The following STK38L variants were observed in gnomAD, a reference collection of about 807,000 sequenced individuals.
The protein encoded by STK38L is serine/threonine kinase 38 like, also known as serine/threonine-protein kinase 38-like.
A neutral mutation model predicts 59.7 loss-of-function variants in STK38L; 28 were observed. The observed-to-expected ratio is 0.47, with a 90% CI of 0.35 to 0.64. The LOEUF (loss-of-function observed/expected upper bound fraction) is 0.64. STK38L is among the 30% of genes least tolerant of loss of function. STK38L has a pLI of 0.01. For missense variants in STK38L, 314 were observed against 555.8 expected (o/e 0.56, Z 4.37); for synonymous variants, 162 against 176.8 (o/e 0.92, Z 0.66).
At chr12:27,266,626 G>A (rs181525426) in intron 1 of STK38L, among the ~76,000 whole-genome samples, 6 of 152,294 alleles carry the variant, frequency 3.9e-5, no homozygotes, top group African/African-American at 1.4e-4. Context: ...TAGTTATGGG[G>A]TTTGATCCCA....
chr12:27,307,284 T>C (rs1944340904), intron 3 of STK38L, among the ~76,000 whole-genome samples: 1 of 152,264 alleles, frequency 6.6e-6, no homozygotes, highest in South Asian at 2.1e-4. Context: ...AGACATTTCT[T>C]GATTTCATCT....
chr12:27,298,511 A>G (rs1382761300), intron 2 of STK38L: 1 of 152,232 alleles, frequency 6.6e-6, no homozygotes, highest in African/African-American at 2.4e-5. Context: ...CAGGGGGAAT[A>G]GAAGAATAAA....
chr12:27,310,874 C>T (rs1944438538), intron 5 of STK38L, among the ~76,000 whole-genome samples: 1 of 152,048 alleles, frequency 6.6e-6, no homozygotes, highest in African/African-American at 2.4e-5. Flanking sequence ...TGTTTTTTAC[C>T]CCTGTATAAA....
intron 1 of STK38L, among the ~76,000 whole-genome samples, chr12:27,268,262 C>T (rs1269660706): frequency 6.6e-6 from 1 of 151,948 alleles, no homozygotes; most frequent in African/African-American, 2.4e-5. Flanking sequence ...CGCTATCCCT[C>T]CCCCTTTCCC....
chr12:27,257,883 G>GA (rs1943122522), intron 1 of STK38L, among the ~76,000 whole-genome samples: 1 of 141,216 alleles, frequency 7.1e-6, no homozygotes, highest in Non-Finnish European at 1.5e-5. Context: ...TTTTTTTTAA[G>GA]TGGAGTCTTG....
chr12:27,301,055 G>T (rs1022651548), intron 2 of STK38L, among the ~76,000 whole-genome samples: 2 of 152,102 alleles, frequency 1.3e-5, no homozygotes, highest in African/African-American at 4.8e-5. Context: ...CAATACAATA[G>T]AAATAAAATA....
At chr12:27,244,730 G>A (rs909341820) in intron 1 of STK38L, among the ~76,000 whole-genome samples, 2 of 152,184 alleles carry the variant, frequency 1.3e-5, no homozygotes, top group Non-Finnish European at 2.9e-5. Context: ...CCCAGAGCCA[G>A]GATCCGAAGC....
Position 27,263,560 on chromosome 12 carries a change from C to G in STK38L, c.-12+19228C>G, listed in dbSNP as rs577807019. Among the ~76,000 whole-genome samples, 7 of 152,224 alleles carry G rather than the reference C, an allele frequency of 4.6e-5. No individual in the cohort carries two copies. In the East Asian group the frequency reaches 1.3e-3, roughly 29 times the overall value. Reference sequence around the variant, plus strand: ...GGCACCTCATCACTCTGGTGTTATCCCTAAAGGGCCTTCATCATAATGTGC... The same window carrying G: ...GGCACCTCATCACTCTGGTGTTATCGCTAAAGGGCCTTCATCATAATGTGC... On this transcript the variant is annotated intron_variant, in intron 1 of 13. Coordinates refer to ENST00000389032, the MANE Select transcript of STK38L (RefSeq NM_015000.4).
intron 1 of STK38L, among the ~76,000 whole-genome samples, chr12:27,260,597 T>A (rs1284860975): frequency 1.3e-5 from 2 of 152,208 alleles, no homozygotes; most frequent in East Asian, 3.8e-4. Context: ...ACTGCATACC[T>A]CTGCTTCAGG....
chr12:27,263,048 C>A (rs747769464), intron 1 of STK38L, among the ~76,000 whole-genome samples: 5 of 152,144 alleles, frequency 3.3e-5, no homozygotes, highest in Non-Finnish European at 5.9e-5. Flanking sequence ...ACCTGGGCCT[C>A]CCAAAGTGCT....
chr12:27,319,403 T>C lies in STK38L; in HGVS notation c.1155T>C (p.Gly385=). 1 of 1,613,492 alleles carries C rather than the reference T, an allele frequency of 6.2e-7. No homozygotes were observed. Among genetic ancestry groups the C allele is most frequent in the Non-Finnish European group, 8.5e-7 (1 of 1,179,634 alleles). The change falls in exon 12 of 14, where the codon GGT becomes GGC. Residue 385 remains glycine (G), a synonymous_variant. Transcript: ENST00000389032. ...EEIKGHPFFE[G]VDWEHIRERP... is the part of the protein sequence containing the mutation. ...TAAAAGGTCATCCCTTTTTTGAAGGTGTCGACTGGGAGCACATAAGGTATG... is the reference window on the plus strand; with the variant it reads ...TAAAAGGTCATCCCTTTTTTGAAGGCGTCGACTGGGAGCACATAAGGTATG...
chr12:27,298,077 C>G, intron 2 of STK38L: 2 of 432,134 alleles, frequency 4.6e-6, no homozygotes, highest in Admixed American at 7.7e-5. Flanking sequence ...TATGACATGC[C>G]AATTAACGTT....
At chr12:27,262,765 TAAAAC>T (rs1282797075) in intron 1 of STK38L, among the ~76,000 whole-genome samples, 1 of 148,374 alleles carries the variant, frequency 6.7e-6, no homozygotes, top group African/African-American at 2.5e-5. Flanking sequence ...ACACTAAGAA[TAAAAC>T]AAAATATTTG....
chr12:27,250,966 C>T (rs766002895), intron 1 of STK38L, among the ~76,000 whole-genome samples: 21 of 146,366 alleles, frequency 1.4e-4, no homozygotes, highest in Non-Finnish European at 3.1e-4. Flanking sequence ...TTCACTGTAG[C>T]CCAGCCTGGG....
intron 11 of STK38L, 59 bp from the exon 12 acceptor site, chr12:27,319,269 C>T (rs111467900): frequency 9.8e-7 from 1 of 1,023,324 alleles, no homozygotes; most frequent in African/African-American, 1.6e-5. Context: ...TGAAGTAATG[C>T]AGCTAGAATA....
In STK38L at chr12:27,312,565, C is replaced by T; in HGVS notation, c.410C>T (p.Ala137Val). 6.2e-7 allele frequency: 1 copy of T among 1,613,698 alleles called. No individual in the cohort carries two copies. Among genetic ancestry groups the T allele is most frequent in the Non-Finnish European group, 8.5e-7 (1 of 1,179,930 alleles). ...LEKEQVAHIR[A>V]ERDILVEADG... ...TTCATCTAGGTGGCCCATATCCGAG[C>T]AGAAAGAGATATTTTGGTAGAAGCA... Residue 137 changes from alanine to valine, a missense_variant, in exon 6 of 14, where the codon GCA (alanine) becomes GTA (valine). Physicochemically the swap from Ala to Val is moderately conservative, Grantham distance 64. This residue lies in a region of STK38L where 192 missense variants were observed against 316.9 expected (regional missense o/e 0.61). Transcript: ENST00000389032.
chr12:27,280,181 C>T (rs1283112424), intron 1 of STK38L, among the ~76,000 whole-genome samples: 1 of 152,136 alleles, frequency 6.6e-6, no homozygotes, highest in Admixed American at 6.6e-5. Flanking sequence ...TAGTCATGAA[C>T]ATTTCAGAAA....
chr12:27,281,738 C>T lies in STK38L; in HGVS notation c.-11-15972C>T, dbSNP rs551780298. Among the ~76,000 whole-genome samples the T allele has an allele frequency of 7.9e-5, 12 of 152,096 alleles. 1 individual carries two copies. In the South Asian group the frequency reaches 2.3e-3, roughly 29 times the overall value. ...TGATCTAAGCTGGGAAATTTTCTGT[C>T]AAAGAGTAAATTGAGGCGAGGCACG... On this transcript the variant is annotated intron_variant, in intron 1 of 13. Coordinates refer to ENST00000389032, the MANE Select transcript of STK38L (RefSeq NM_015000.4).
intron 3 of STK38L, 45 bp downstream of exon 3, chr12:27,302,233 A>G: frequency 7.1e-7 from 1 of 1,409,232 alleles, no homozygotes; most frequent in Non-Finnish European, 9.6e-7. Context: ...ACCCCCAGTG[A>G]CTTTTCATTC....
Sources: allele counts gnomAD v4.1 joint callset (sites outside exome capture counted in the v4.1 genomes callset), GRCh38; gene constraint gnomAD v4.1.1; regional missense constraint gnomAD v4.1.1; transcripts MANE v1.5; gene names NCBI Gene and HGNC (gene_info 2026-07-23, HGNC 2026-07-21).